The following SHISA9 variants were observed in gnomAD, a reference collection of about 807,000 sequenced individuals.
SHISA9 encodes the protein protein shisa-9.
A neutral mutation model predicts 38.0 loss-of-function variants in SHISA9; 13 were observed. That is an observed-to-expected ratio of 0.34 (90% CI 0.22 to 0.54). The LOEUF (loss-of-function observed/expected upper bound fraction) is 0.54. Ranked by LOEUF, SHISA9 falls within the 20% of genes least tolerant of loss-of-function variation. The pLI is 0.91. For synonymous variants in SHISA9, 275 were observed against 242.0 expected (o/e 1.14, Z -1.27); for missense variants, 538 against 575.8 (o/e 0.93, Z 0.67).
rs116622407 is a variant in SHISA9 at position 13,026,465 on chromosome 16, T to C, written c.691+109650T>C. Among the ~76,000 whole-genome samples the C allele has an allele frequency of 1.2e-3, 186 of 152,390 alleles. 1 individual carries two copies. Among genetic ancestry groups the C allele is most frequent in the African/African-American group, 4.4e-3 (181 of 41,600 alleles). ...GACTACATCTACTACAGTTTCTTTC[T>C]GCATTCATCTGTTGATGGATGTCTG... On this transcript the variant is annotated intron_variant, in intron 2 of 4. Transcript: ENST00000558583.
At chr16:12,998,312 A>C (rs2072483598) in intron 2 of SHISA9, among the ~76,000 whole-genome samples, 1 of 152,220 alleles carries the variant, frequency 6.6e-6, no homozygotes, top group East Asian at 1.9e-4. Context: ...TCTCAAAGAC[A>C]ATTGACATTT....
the SHISA9 span, among the ~76,000 whole-genome samples, chr16:13,494,109 G>C: frequency 3.2e-3 from 489 of 152,308 alleles, 2 homozygotes; most frequent in Non-Finnish European, 5.3e-3. Context: ...ATAGTGGTAG[G>C]AACAGTGTAC....
chr16:13,501,127 A>G, the SHISA9 span, among the ~76,000 whole-genome samples: 1 of 152,200 alleles, frequency 6.6e-6, no homozygotes, highest in African/African-American at 2.4e-5. Flanking sequence ...TTTTCAACCA[A>G]GGGTGCATTT....
intron 2 of SHISA9, among the ~76,000 whole-genome samples, chr16:13,076,817 T>A (rs904193329): frequency 6.6e-6 from 1 of 152,210 alleles, no homozygotes; most frequent in African/African-American, 2.4e-5. Flanking sequence ...GAATAGCTGT[T>A]TATAGTGTGT....
At chr16:13,376,528 CAG>C in the SHISA9 span, among the ~76,000 whole-genome samples, 1 of 152,232 alleles carries the variant, frequency 6.6e-6, no homozygotes, top group African/African-American at 2.4e-5. Flanking sequence ...TGTTTTTTTC[CAG>C]AGAGTCCAAG....
intron 2 of SHISA9, among the ~76,000 whole-genome samples, chr16:13,003,874 T>TAAG (rs1192313594): frequency 4.8e-4 from 62 of 129,596 alleles, no homozygotes; most frequent in African/African-American, 2.0e-3. Flanking sequence ...ATAATAATAA[T>TAAG]AATAATAATA....
the SHISA9 span, among the ~76,000 whole-genome samples, chr16:13,364,749 C>T: frequency 6.6e-6 from 1 of 152,208 alleles, no homozygotes; most frequent in Admixed American, 6.5e-5. Context: ...ACGATAATCA[C>T]TTCTTGAATA....
chr16:13,320,292 CAAAAAAAAAAAAAAA>C, the SHISA9 span, among the ~76,000 whole-genome samples: 5 of 38,978 alleles, frequency 1.3e-4, no homozygotes, highest in Admixed American at 1.5e-3. Flanking sequence ...GACTCTGTCT[CAAAAAAAAAAAAAAA>C]AAAAAAAAAA....
At chr16:13,349,924 C>T in the SHISA9 span, among the ~76,000 whole-genome samples, 1 of 152,252 alleles carries the variant, frequency 6.6e-6, no homozygotes, top group Admixed American at 6.5e-5. Flanking sequence ...TTATTTTTAC[C>T]AGAGTTCTCT....
chr16:13,446,518 A>G, the SHISA9 span, among the ~76,000 whole-genome samples: 1 of 152,192 alleles, frequency 6.6e-6, no homozygotes, highest in African/African-American at 2.4e-5. Context: ...AATTGCTTTC[A>G]ATTGCTGCAG....
At chr16:13,556,579 C>T in the SHISA9 span, among the ~76,000 whole-genome samples, 7 of 151,974 alleles carry the variant, frequency 4.6e-5, no homozygotes, top group Non-Finnish European at 1.0e-4. Context: ...AGGAGAATGG[C>T]GTGAACCCGG....
the SHISA9 span, among the ~76,000 whole-genome samples, chr16:13,430,331 C>G: frequency 6.6e-6 from 1 of 152,168 alleles, no homozygotes; most frequent in Non-Finnish European, 1.5e-5. Flanking sequence ...GGAAACCATC[C>G]TGTGTCTCCA....
chr16:13,286,033 G>C, the SHISA9 span, among the ~76,000 whole-genome samples: 1 of 152,106 alleles, frequency 6.6e-6, no homozygotes, highest in African/African-American at 2.4e-5. Context: ...AGCTCACTGG[G>C]ATAAATGCAT....
the SHISA9 span, among the ~76,000 whole-genome samples, chr16:13,491,532 A>C: frequency 6.6e-6 from 1 of 152,078 alleles, no homozygotes; most frequent in Non-Finnish European, 1.5e-5. Flanking sequence ...TCTGTCACCA[A>C]GGCTGGAGTG....
At chr16:13,532,565 G>A in the SHISA9 span, among the ~76,000 whole-genome samples, 2 of 151,806 alleles carry the variant, frequency 1.3e-5, no homozygotes, top group Non-Finnish European at 2.9e-5. Context: ...GTATGTGTGT[G>A]TGTGTGTGTG....
the SHISA9 span, among the ~76,000 whole-genome samples, chr16:13,449,507 C>A: frequency 4.7e-4 from 71 of 152,244 alleles, no homozygotes; most frequent in Admixed American, 2.0e-3. Flanking sequence ...GATGGGAATA[C>A]TCTATATCTT....
chr16:12,986,457 A>T (rs114816120), intron 2 of SHISA9, among the ~76,000 whole-genome samples: 1 of 152,192 alleles, frequency 6.6e-6, no homozygotes, highest in African/African-American at 2.4e-5. Flanking sequence ...TGGAGCGGTA[A>T]TTAAAATAAT....
chr16:12,978,829 A>T (rs1186353933), intron 2 of SHISA9, among the ~76,000 whole-genome samples: 2 of 152,256 alleles, frequency 1.3e-5, no homozygotes, highest in East Asian at 3.8e-4. Context: ...GGATAGAAGG[A>T]TAGATGAGTG....
At chr16:13,486,051 A>G in the SHISA9 span, among the ~76,000 whole-genome samples, 1 of 152,194 alleles carries the variant, frequency 6.6e-6, no homozygotes, top group South Asian at 2.1e-4. Context: ...CACGTCATCC[A>G]GAGGGTTACC....
Sources: gnomAD v4.1 joint callset for allele counts (sites outside exome capture counted in the v4.1 genomes callset) on GRCh38, gnomAD v4.1.1 for gene constraint, MANE v1.5 for transcripts, NCBI Gene and HGNC (gene_info 2026-07-23, HGNC 2026-07-21) for gene names.